The following ADCY1 variants were observed in gnomAD, a reference collection of about 807,000 sequenced individuals.
The protein encoded by ADCY1 is adenylate cyclase 1.
Under a neutral mutation model 105.4 loss-of-function variants are expected in ADCY1, and 28 were observed. The ratio of observed to expected loss-of-function variants is 0.27; its 90% CI spans 0.20 to 0.36. ADCY1 has a LOEUF of 0.36. Among genes scored for constraint, ADCY1 ranks in the 10% least tolerant of loss-of-function variants. ADCY1 has a pLI of 1.00. For synonymous variants in ADCY1, 655 were observed against 623.8 expected, an observed-to-expected ratio of 1.05 and a Z score of -0.75; for missense variants, 977 against 1,434.2, an observed-to-expected ratio of 0.68 and a Z score of 5.15.
intron 2 of ADCY1, among the ~76,000 whole-genome samples, chr7:45,599,077 T>C (rs1307770604): frequency 6.6e-6 from 1 of 152,144 alleles, no homozygotes; most frequent in Non-Finnish European, 1.5e-5. Flanking sequence ...GACTCCTGTG[T>C]GCTGTCAGCC....
At chr7:45,583,903 G>A (rs1792637010) in intron 1 of ADCY1, among the ~76,000 whole-genome samples, 1 of 143,204 alleles carries the variant, frequency 7.0e-6, no homozygotes, top group Admixed American at 7.1e-5. Flanking sequence ...GCCTCCCAAA[G>A]TGTTGACATT....
chr7:45,626,168 T>C (rs1794057206), intron 4 of ADCY1, among the ~76,000 whole-genome samples: 1 of 152,218 alleles, frequency 6.6e-6, no homozygotes, highest in African/African-American at 2.4e-5. Flanking sequence ...AACTCTGCTC[T>C]TGGAGCACAG....
intron 14 of ADCY1, among the ~76,000 whole-genome samples, chr7:45,694,749 C>T (rs1784849609): frequency 6.6e-6 from 1 of 152,204 alleles, no homozygotes; most frequent in Non-Finnish European, 1.5e-5. Context: ...AGCATTAATT[C>T]TCAGACTAAT....
intron 14 of ADCY1, among the ~76,000 whole-genome samples, chr7:45,691,680 A>T (rs549898903): frequency 6.6e-6 from 1 of 152,234 alleles, no homozygotes; most frequent in African/African-American, 2.4e-5. Context: ...GCTATTTAGT[A>T]TAGAATGAAG....
chr7:45,587,782 G>A (rs1256132642), intron 1 of ADCY1, among the ~76,000 whole-genome samples: 1 of 152,142 alleles, frequency 6.6e-6, no homozygotes, highest in African/African-American at 2.4e-5. Context: ...TTGGTTTTCA[G>A]CAGGAGGCCT....
chr7:45,685,844 G>A (rs1029044176), intron 12 of ADCY1, 118 bp from the exon 13 acceptor site: 4 of 1,284,838 alleles, frequency 3.1e-6, no homozygotes. Flanking sequence ...GATAGCACTG[G>A]GGGTGGGTCA....
intron 2 of ADCY1, among the ~76,000 whole-genome samples, chr7:45,605,970 A>T (rs929544594): frequency 6.6e-6 from 1 of 152,130 alleles, no homozygotes; most frequent in African/African-American, 2.4e-5. Flanking sequence ...TTTCTGTGAC[A>T]TGACTCTGGT....
intron 11 of ADCY1, among the ~76,000 whole-genome samples, chr7:45,681,423 T>G (rs1784553728): frequency 6.6e-6 from 1 of 152,152 alleles, no homozygotes; most frequent in Non-Finnish European, 1.5e-5. Flanking sequence ...CTTCTCACCC[T>G]CTTCTGTGAG....
chr7:45,657,742 C>T lies in ADCY1; in HGVS notation c.1164C>T (p.Ala388=), dbSNP rs760084595. ...MIDTITSVAE[A]TEVDLNMRVG... ...TGTGTTGCAGATCTGTGGCTGAAGC[C>T]ACCGAGGTGGATCTGAACATGCGTG... Residue 388 remains alanine, a synonymous_variant, in exon 6 of 20, where the codon GCC becomes GCT. Coordinates refer to ENST00000297323, the MANE Select transcript of ADCY1 (RefSeq NM_021116.4). 6.1e-5 allele frequency: 98 copies of T among 1,613,604 alleles called. No homozygotes were observed. The South Asian group carries it at 1.0e-3, about 17-fold the overall frequency.
intron 4 of ADCY1, among the ~76,000 whole-genome samples, chr7:45,631,934 GT>G: frequency 1.3e-5 from 2 of 152,240 alleles, no homozygotes; most frequent in Admixed American, 1.3e-4. Context: ...GGGTTTTATA[GT>G]TTGAGGTTTT....
intron 14 of ADCY1, among the ~76,000 whole-genome samples, chr7:45,694,115 T>TTA (rs1491319760): frequency 8.7e-6 from 1 of 115,454 alleles, no homozygotes; most frequent in Non-Finnish European, 1.8e-5. Flanking sequence ...TAGAGTATAA[T>TTA]AAAAAAAAAA....
At chr7:45,628,844 A>T (rs1794143912) in intron 4 of ADCY1, among the ~76,000 whole-genome samples, 1 of 151,994 alleles carries the variant, frequency 6.6e-6, no homozygotes, top group African/African-American at 2.4e-5. Context: ...CCTCACCGGG[A>T]TTTCTGCAGC....
chr7:45,706,389 T>C (rs963844957), intron 17 of ADCY1, among the ~76,000 whole-genome samples: 1 of 144,884 alleles, frequency 6.9e-6, no homozygotes, highest in South Asian at 2.1e-4. Context: ...AATAGACCCA[T>C]AGACATATAG....
At position 45,574,983 on chromosome 7, in the gene ADCY1, G is replaced by T. The variant is rs761877943; in HGVS notation, c.440G>T (p.Arg147Leu). The change falls in exon 1 of 20, where the codon CGG becomes CTG. Residue 147 changes from arginine (R) to leucine (L), a missense_variant. Arg to Leu is a moderately radical substitution (Grantham distance 102). Coordinates refer to ENST00000297323, the MANE Select transcript of ADCY1 (RefSeq NM_021116.4). The surrounding 1 kb of genome is among the most constrained non-coding windows in gnomAD (Gnocchi z 7.0). ...CCTTTCGCGCTGGGCGGCCCCGCCC[G>T]GGGTTCCGCCGGGGCCGCTGGGGGG... Reference protein sequence around the residue: ...CCPFALGGPARGSAGAAGGPA... With the variant: ...CCPFALGGPALGSAGAAGGPA... The T allele has an allele frequency of 6.2e-7, 1 of 1,610,944 alleles. No homozygotes were observed.
At chr7:45,697,217 A>T (rs1482485567) in intron 14 of ADCY1, among the ~76,000 whole-genome samples, 2 of 152,048 alleles carry the variant, frequency 1.3e-5, no homozygotes, top group Non-Finnish European at 2.9e-5. Context: ...TTCATTAGAC[A>T]GGGTGTCTTC....
chr7:45,647,429 C>T lies in ADCY1; in HGVS notation c.1021-1241C>T, dbSNP rs550491679. On this transcript the variant is annotated intron_variant, in intron 4 of 19. Transcript: ENST00000297323. The surrounding 1 kb of genome is among the most constrained non-coding windows in gnomAD (Gnocchi z 4.6). ...TCAGCATTCGACAGGACCTGCAGGGCCCCAGTCATTTGTAAGAAACCAAAG... is the reference window on the plus strand; with the variant it reads ...TCAGCATTCGACAGGACCTGCAGGGTCCCAGTCATTTGTAAGAAACCAAAG... Among the ~76,000 whole-genome samples, 2 of 152,340 alleles carry T rather than the reference C, an allele frequency of 1.3e-5. No homozygotes were observed. The highest frequency in any genetic ancestry group is 2.4e-5 in the African/African-American group (1 of 41,582).
intron 4 of ADCY1, among the ~76,000 whole-genome samples, chr7:45,646,893 G>T (rs1794677991): frequency 6.6e-6 from 1 of 152,230 alleles, no homozygotes; most frequent in Non-Finnish European, 1.5e-5. Context: ...TCAGCAGGAG[G>T]AGCCTGCCGG....
intron 4 of ADCY1, 150 bp from the exon 5 acceptor site, chr7:45,648,520 G>A: frequency 9.9e-7 from 1 of 1,009,852 alleles, no homozygotes; most frequent in South Asian, 1.5e-5. Context: ...CCACGCAAGG[G>A]TGTGGCCTGG....
At chr7:45,587,236 C>G (rs149805061) in intron 1 of ADCY1, among the ~76,000 whole-genome samples, 1 of 152,222 alleles carries the variant, frequency 6.6e-6, no homozygotes, top group African/African-American at 2.4e-5. Flanking sequence ...AGAGCATGCT[C>G]TGCCCAGAGC....
Sources: gnomAD v4.1 joint callset for allele counts (sites outside exome capture counted in the v4.1 genomes callset) on GRCh38, gnomAD v4.1.1 for gene constraint, Gnocchi (gnomAD v3.1) non-coding constraint, MANE v1.5 for transcripts, NCBI Gene and HGNC (gene_info 2026-07-23, HGNC 2026-07-21) for gene names.